The following FAM184A variants were observed in gnomAD, a reference collection of about 807,000 sequenced individuals.
FAM184A encodes protein FAM184A.
A neutral mutation model predicts 143.8 loss-of-function variants in FAM184A; 99 were observed. The ratio of observed to expected loss-of-function variants is 0.69; its 90% CI spans 0.58 to 0.81. The LOEUF (loss-of-function observed/expected upper bound fraction) is 0.81, where lower values mean the gene tolerates loss of function less well. FAM184A is among the 40% of genes least tolerant of loss of function. The pLI is 0.00. For synonymous variants in FAM184A, 427 were observed against 446.4 expected, an observed-to-expected ratio of 0.96 and a Z score of 0.55; for missense variants, 1,217 against 1,310.5, an observed-to-expected ratio of 0.93 and a Z score of 1.10.
At chr6:119,092,667 G>A (rs1788402524) in intron 1 of FAM184A, among the ~76,000 whole-genome samples, 2 of 151,356 alleles carry the variant, frequency 1.3e-5, no homozygotes, top group African/African-American at 2.4e-5. Context: ...GTCTCTTTGG[G>A]GGAAGAATTG....
At chr6:119,110,364 G>A (rs1788902009) in intron 1 of FAM184A, among the ~76,000 whole-genome samples, 1 of 152,164 alleles carries the variant, frequency 6.6e-6, no homozygotes, top group Admixed American at 6.5e-5. Flanking sequence ...GGAGGAGCCT[G>A]TATCAGGAAA....
intron 1 of FAM184A, among the ~76,000 whole-genome samples, chr6:119,103,310 A>AC (rs1018847894): frequency 2.2e-4 from 34 of 151,844 alleles, no homozygotes; most frequent in Admixed American, 2.2e-3. Flanking sequence ...AGCTACATCA[A>AC]CCCCCCCAAA....
At chr6:119,084,504 G>C (rs11756828) in intron 1 of FAM184A, among the ~76,000 whole-genome samples, 1 of 152,156 alleles carries the variant, frequency 6.6e-6, no homozygotes, top group Non-Finnish European at 1.5e-5. Context: ...GGCCTTCCAG[G>C]GTTCAGGCCC....
chr6:118,987,840 T>C (rs1784240445), intron 9 of FAM184A, among the ~76,000 whole-genome samples: 1 of 152,190 alleles, frequency 6.6e-6, no homozygotes, highest in South Asian at 2.1e-4. Context: ...GTCTGAGATA[T>C]AAAATCTCAA....
At chr6:119,019,356 G>C (rs181499123) in intron 4 of FAM184A, among the ~76,000 whole-genome samples, 1 of 152,346 alleles carries the variant, frequency 6.6e-6, no homozygotes, top group East Asian at 1.9e-4. Context: ...TCTGTGGACT[G>C]ATGGTCAGAG....
chr6:119,111,763 T>C (rs1788940815), intron 1 of FAM184A, among the ~76,000 whole-genome samples: 2 of 152,208 alleles, frequency 1.3e-5, no homozygotes, highest in African/African-American at 4.8e-5. Flanking sequence ...AAAATGCATG[T>C]AGTAGATTCA....
At chr6:119,073,138 A>C (rs1313521888) in intron 1 of FAM184A, among the ~76,000 whole-genome samples, 1 of 152,244 alleles carries the variant, frequency 6.6e-6, no homozygotes, top group Non-Finnish European at 1.5e-5. Context: ...ATCAAGTAAG[A>C]GGTACCAACA....
intron 1 of FAM184A, among the ~76,000 whole-genome samples, chr6:119,101,439 C>T (rs1379109541): frequency 6.6e-6 from 1 of 152,086 alleles, no homozygotes; most frequent in Non-Finnish European, 1.5e-5. Flanking sequence ...TATTATGAGC[C>T]TTACTTTACT....
rs781071658 is a variant in FAM184A, at chr6:119,003,042, A to T, written c.1945T>A (p.Cys649Ser). The T allele has an allele frequency of 1.9e-6, 3 of 1,595,972 alleles. No homozygotes were observed. In the South Asian group the frequency reaches 3.4e-5, roughly 18 times the overall value. ...CTTAACTCTTCACGAAGTTTAGAAC[A>T]CTCTTGTCTAAAATAAAACAACTGC... ...IKWTENLRQE[C>S]SKLREELRLQ... Residue 649 changes from cysteine (C) to serine (S), a missense_variant, in exon 9 of 18, where the codon TGT (cysteine) becomes AGT (serine). By Grantham distance (112) the Cys-to-Ser change is moderately radical. Transcript: ENST00000338891.
At chr6:119,091,966 T>A (rs1029787593) in intron 1 of FAM184A, among the ~76,000 whole-genome samples, 10 of 152,096 alleles carry the variant, frequency 6.6e-5, no homozygotes, top group South Asian at 2.1e-4. Context: ...AGCATTGGAG[T>A]GCCAAGAATA....
chr6:119,111,864 T>C (rs1788943353), intron 1 of FAM184A, among the ~76,000 whole-genome samples: 1 of 152,198 alleles, frequency 6.6e-6, no homozygotes, highest in African/African-American at 2.4e-5. Flanking sequence ...AATATTTTCA[T>C]TAAAGAAACA....
intron 6 of FAM184A, among the ~76,000 whole-genome samples, chr6:119,009,193 G>A (rs1435438373): frequency 2.0e-5 from 3 of 152,184 alleles, no homozygotes; most frequent in Non-Finnish European, 1.5e-5. Flanking sequence ...CTGGGACTCA[G>A]TAAGCACTAA....
At chr6:119,006,043 T>C in intron 7 of FAM184A, 1 of 761,958 alleles carries the variant, frequency 1.3e-6, no homozygotes, top group Non-Finnish European at 2.4e-6. Flanking sequence ...ACAGATGTAT[T>C]AAGTTAAGAT....
chr6:119,123,214 C>A (rs867216369), intron 1 of FAM184A, among the ~76,000 whole-genome samples: 1 of 151,918 alleles, frequency 6.6e-6, no homozygotes, highest in Non-Finnish European at 1.5e-5. Flanking sequence ...CATGGTGAAA[C>A]CCCATCTCTA....
chr6:119,021,762 G>T (rs747012616), intron 3 of FAM184A, among the ~76,000 whole-genome samples: 12 of 152,092 alleles, frequency 7.9e-5, no homozygotes, highest in Non-Finnish European at 1.6e-4. Flanking sequence ...AACTGCTAGA[G>T]CCCAGGAGTT....
chr6:119,052,117 A>G (rs1049668869), intron 1 of FAM184A, among the ~76,000 whole-genome samples: 2 of 152,190 alleles, frequency 1.3e-5, no homozygotes, highest in Admixed American at 1.3e-4. Flanking sequence ...TCTGCCAATC[A>G]CACATTCTCC....
chr6:119,019,443 G>A (rs1048795125), intron 4 of FAM184A, among the ~76,000 whole-genome samples: 4 of 152,174 alleles, frequency 2.6e-5, no homozygotes, highest in Non-Finnish European at 4.4e-5. Context: ...ATACTTAGAC[G>A]TTGAGGGAAA....
chr6:119,068,225 T>G (rs1340858587), intron 1 of FAM184A, among the ~76,000 whole-genome samples: 1 of 152,006 alleles, frequency 6.6e-6, no homozygotes, highest in Non-Finnish European at 1.5e-5. Flanking sequence ...TTTTGTATTT[T>G]TAGTAGAGAC....
At chr6:118,962,074 T>A in intron 16 of FAM184A, 111 bp from the exon 17 acceptor site, 1 of 1,007,254 alleles carries the variant, frequency 9.9e-7, no homozygotes, top group Non-Finnish European at 1.5e-6. Context: ...AGCTTTATGT[T>A]AAATTAAAAT....
Sources: allele counts gnomAD v4.1 joint callset (sites outside exome capture counted in the v4.1 genomes callset), GRCh38; gene constraint gnomAD v4.1.1; transcripts MANE v1.5; gene names NCBI Gene and HGNC (gene_info 2026-07-23, HGNC 2026-07-21).